FGF14: variants seen among roughly 807,000 people sequenced by gnomAD.
The protein encoded by FGF14 is fibroblast growth factor 14, also known as fibroblast growth factor homologous factor 4.
A neutral mutation model predicts 25.5 loss-of-function variants in FGF14; 5 were observed. That is an observed-to-expected ratio of 0.20 (90% CI 0.10 to 0.41). The LOEUF (loss-of-function observed/expected upper bound fraction) is 0.41. FGF14 is among the 10% of genes least tolerant of loss of function. The probability of loss-of-function intolerance (pLI) is 1.00; values close to 1 mark genes in which losing one functional copy is unlikely to be tolerated. For missense variants in FGF14, 222 were observed against 320.1 expected (o/e 0.69, Z 2.34); for synonymous variants, 138 against 118.3 (o/e 1.17, Z -1.08).
chr13:101,838,667 A>G (rs1293391336), intron 3 of FGF14, among the ~76,000 whole-genome samples: 1 of 152,072 alleles, frequency 6.6e-6, no homozygotes, highest in East Asian at 1.9e-4. Flanking sequence ...AAGTAGACCG[A>G]AAACAAAATC....
chr13:101,993,490 T>A (rs1374429365), intron 1 of FGF14, among the ~76,000 whole-genome samples: 3 of 152,046 alleles, frequency 2.0e-5, no homozygotes, highest in Non-Finnish European at 4.4e-5. Context: ...TTCAAAATAT[T>A]TTTAGCAACA....
intron 1 of FGF14, among the ~76,000 whole-genome samples, chr13:102,309,529 T>C (rs2055615223): frequency 6.6e-6 from 1 of 152,158 alleles, no homozygotes; most frequent in Admixed American, 6.5e-5. Flanking sequence ...ATGAGAAAGT[T>C]GCATTTTACT....
At chr13:102,372,951 A>T (rs1373331252) in intron 1 of FGF14, among the ~76,000 whole-genome samples, 1 of 152,178 alleles carries the variant, frequency 6.6e-6, no homozygotes, top group Non-Finnish European at 1.5e-5. Flanking sequence ...TGAAAATAAT[A>T]ATTTACCCAA....
chr13:101,994,566 T>C (rs1482500303), intron 1 of FGF14, among the ~76,000 whole-genome samples: 1 of 152,004 alleles, frequency 6.6e-6, no homozygotes, highest in Non-Finnish European at 1.5e-5. Context: ...TCATCGAGAC[T>C]ACCAAATCAT....
At position 102,055,803 on chromosome 13, in the gene FGF14, G is replaced by A. The variant is rs140675040; in HGVS notation, c.209-180507C>T. ...TCATACTGCTGATAAATACATACCC[G>A]AGACTGGGTAATTGATAAGGAAAAA... On this transcript the variant is annotated intron_variant, in intron 1 of 4. Transcript: ENST00000376131. Among the ~76,000 whole-genome samples the A allele has an allele frequency of 6.0e-4, 92 of 152,238 alleles. 1 individual carries two copies. The highest frequency in any genetic ancestry group is 3.9e-3 in the East Asian group (20 of 5,180).
chr13:102,352,688 T>G (rs1011023777), intron 1 of FGF14, among the ~76,000 whole-genome samples: 16 of 151,684 alleles, frequency 1.1e-4, no homozygotes, highest in African/African-American at 3.9e-4. Flanking sequence ...GGTGGGCGCC[T>G]GTAGTCCCAG....
chr13:101,802,615 T>G (rs1213283534), intron 3 of FGF14: 1 of 152,838 alleles, frequency 6.5e-6, no homozygotes, highest in Non-Finnish European at 1.5e-5. Flanking sequence ...GTCAGTGGTT[T>G]ATGTCAAGTG....
At chr13:101,830,356 C>T (rs1351203776) in intron 3 of FGF14, among the ~76,000 whole-genome samples, 3 of 152,026 alleles carry the variant, frequency 2.0e-5, no homozygotes, top group Non-Finnish European at 4.4e-5. Context: ...ATGTCAGCAG[C>T]ACCAGATGTT....
At chr13:101,859,888 C>T (rs1400114421) in intron 3 of FGF14, among the ~76,000 whole-genome samples, 2 of 152,028 alleles carry the variant, frequency 1.3e-5, no homozygotes, top group Admixed American at 1.3e-4. Flanking sequence ...CAAAATGAAG[C>T]TTCAGAGAAA....
chr13:102,397,456 T>C (rs1217507649), intron 1 of FGF14, among the ~76,000 whole-genome samples: 1 of 152,224 alleles, frequency 6.6e-6, no homozygotes, highest in Non-Finnish European at 1.5e-5. Flanking sequence ...CAGTGTGCTG[T>C]GCAGAACTAG....
At chr13:102,004,522 TCTCTCTCTATAACAACAAGC>T (rs1283407122) in intron 1 of FGF14, among the ~76,000 whole-genome samples, 1 of 152,170 alleles carries the variant, frequency 6.6e-6, no homozygotes, top group African/African-American at 2.4e-5. Context: ...TTAGTGATGC[TCTCTCTCTATAACAACAAGC>T]CTCTCTCTAG....
intron 1 of FGF14, among the ~76,000 whole-genome samples, chr13:102,204,065 G>C (rs1048008676): frequency 2.0e-5 from 3 of 152,134 alleles, no homozygotes; most frequent in East Asian, 3.8e-4. Context: ...AAAACTTTCA[G>C]TTACCACAGT....
intron 1 of FGF14, among the ~76,000 whole-genome samples, chr13:101,885,663 C>CT (rs1313929545): frequency 1.3e-5 from 2 of 149,650 alleles, no homozygotes; most frequent in African/African-American, 5.0e-5. Flanking sequence ...ACCCAAAAGC[C>CT]TTTTTTTGTG....
intron 3 of FGF14, among the ~76,000 whole-genome samples, chr13:101,727,051 T>G (rs1011961987): frequency 6.6e-6 from 1 of 152,026 alleles, no homozygotes; most frequent in Admixed American, 6.6e-5. Flanking sequence ...AAACAATACA[T>G]GAGCAAACTA....
At chr13:102,163,447 G>A (rs955821871) in intron 1 of FGF14, among the ~76,000 whole-genome samples, 7 of 152,240 alleles carry the variant, frequency 4.6e-5, no homozygotes, top group African/African-American at 1.7e-4. Flanking sequence ...GCAGTGTTGA[G>A]GCTCTGCCAT....
At chr13:102,277,453 C>T (rs1299926356) in intron 1 of FGF14, among the ~76,000 whole-genome samples, 2 of 152,242 alleles carry the variant, frequency 1.3e-5, no homozygotes, top group Admixed American at 1.3e-4. Context: ...CGCGTGCCCA[C>T]TGGTGTTATG....
chr13:101,756,638 C>G (rs138321918), intron 3 of FGF14, among the ~76,000 whole-genome samples: 4,163 of 152,246 alleles, frequency 0.027, 101 homozygotes, highest in Middle Eastern at 0.041. Flanking sequence ...GAGGCTGAGG[C>G]AGGAGAACTG....
chr13:101,839,688 C>T (rs1313458557), intron 3 of FGF14, among the ~76,000 whole-genome samples: 2 of 151,858 alleles, frequency 1.3e-5, no homozygotes, highest in African/African-American at 4.8e-5. Flanking sequence ...ATGGTGTTTT[C>T]CCAACTGCTC....
chr13:101,925,503 G>A (rs1051242789), intron 1 of FGF14, among the ~76,000 whole-genome samples: 4 of 152,202 alleles, frequency 2.6e-5, no homozygotes, highest in African/African-American at 7.2e-5. Context: ...AATACCGGAA[G>A]CCTTCAGGTT....
Sources: gnomAD v4.1 joint callset for allele counts (sites outside exome capture counted in the v4.1 genomes callset) on GRCh38, gnomAD v4.1.1 for gene constraint, MANE v1.5 for transcripts, NCBI Gene and HGNC (gene_info 2026-07-23, HGNC 2026-07-21) for gene names.